Variants in NEK10 observed in about 807,000 individuals in gnomAD.
NEK10 encodes the protein serine/threonine-protein kinase Nek10.
Under a neutral mutation model 159.8 loss-of-function variants are expected in NEK10, and 122 were observed. The ratio of observed to expected loss-of-function variants is 0.76; its 90% CI spans 0.66 to 0.89. The LOEUF (loss-of-function observed/expected upper bound fraction) is 0.89, where lower values mean the gene tolerates loss of function less well. Among genes scored for constraint, NEK10 ranks in the 40% least tolerant of loss-of-function variants. The probability of loss-of-function intolerance (pLI) is 0.00; values close to 1 mark genes in which losing one functional copy is unlikely to be tolerated. For synonymous variants in NEK10, 466 were observed against 457.1 expected, an observed-to-expected ratio of 1.02 and a Z score of -0.25; for missense variants, 1,342 against 1,323.1, an observed-to-expected ratio of 1.01 and a Z score of -0.22.
chr3:27,252,616 A>G (rs1412773567), intron 23 of NEK10, among the ~76,000 whole-genome samples: 1 of 152,230 alleles, frequency 6.6e-6, no homozygotes, highest in Non-Finnish European at 1.5e-5. Flanking sequence ...AAAATCAACA[A>G]AAAGTTCAAT....
chr3:27,305,492 C>T (rs963758654), intron 11 of NEK10, among the ~76,000 whole-genome samples: 1 of 151,928 alleles, frequency 6.6e-6, no homozygotes, highest in Non-Finnish European at 1.5e-5. Flanking sequence ...TGCCACTGCA[C>T]TCCAGCCTGG....
chr3:27,333,360 ACATGGTAAAGCCCTGTCT>A (rs893233018), intron 5 of NEK10, among the ~76,000 whole-genome samples: 59 of 152,064 alleles, frequency 3.9e-4, no homozygotes, highest in African/African-American at 1.3e-3. Context: ...AGCCTGGCCA[ACATGGTAAAGCCCTGTCT>A]CTACTAAAAA....
chr3:27,259,786 T>C (rs2040234427), intron 22 of NEK10, among the ~76,000 whole-genome samples: 1 of 152,194 alleles, frequency 6.6e-6, no homozygotes, highest in Non-Finnish European at 1.5e-5. Context: ...GGGGATGGCA[T>C]TGAACCTATA....
At chr3:27,359,788 A>T (rs191540341) in intron 1 of NEK10, among the ~76,000 whole-genome samples, 40 of 152,336 alleles carry the variant, frequency 2.6e-4, no homozygotes, top group South Asian at 2.1e-4. Context: ...TACGTCTAAA[A>T]TTATTTCAAA....
At chr3:27,350,825 G>C (rs1276234538) in intron 3 of NEK10, among the ~76,000 whole-genome samples, 1 of 152,142 alleles carries the variant, frequency 6.6e-6, no homozygotes, top group Non-Finnish European at 1.5e-5. Flanking sequence ...GAAAATTAGA[G>C]CCAGAAAAAC....
intron 1 of NEK10, chr3:27,367,597 C>A (rs1331756926): frequency 1.3e-5 from 2 of 152,228 alleles, no homozygotes; most frequent in Non-Finnish European, 2.9e-5. Context: ...CAAACAGTAA[C>A]TTCTCATTTT....
chr3:27,222,046 C>A (rs73038733), intron 23 of NEK10, among the ~76,000 whole-genome samples: 1 of 152,036 alleles, frequency 6.6e-6, no homozygotes, highest in African/African-American at 2.4e-5. Context: ...TGAAGAGGAG[C>A]CTTCAATTGA....
At chr3:27,237,274 G>A (rs1052671631) in intron 23 of NEK10, among the ~76,000 whole-genome samples, 1 of 152,092 alleles carries the variant, frequency 6.6e-6, no homozygotes, top group Non-Finnish European at 1.5e-5. Flanking sequence ...TTTACAATCA[G>A]TTTGTACAAT....
At chr3:27,143,055 T>C (rs1441592076) in intron 30 of NEK10, among the ~76,000 whole-genome samples, 1 of 152,206 alleles carries the variant, frequency 6.6e-6, no homozygotes, top group African/African-American at 2.4e-5. Context: ...AAAGAGTTAA[T>C]GTAGCTCTAA....
At chr3:27,236,689 C>A (rs912506753) in intron 23 of NEK10, among the ~76,000 whole-genome samples, 1 of 152,144 alleles carries the variant, frequency 6.6e-6, no homozygotes, top group South Asian at 2.1e-4. Flanking sequence ...GGTGTATGAA[C>A]AGGGAATAGG....
intron 29 of NEK10, among the ~76,000 whole-genome samples, chr3:27,168,472 T>A (rs73036941): frequency 0.12 from 18,490 of 152,198 alleles, 1,339 homozygotes; most frequent in Non-Finnish European, 0.17. Flanking sequence ...TATTTAACGT[T>A]CTTTAAAGAA....
intron 23 of NEK10, among the ~76,000 whole-genome samples, chr3:27,234,737 C>T (rs140587318): frequency 8.5e-5 from 13 of 152,066 alleles, no homozygotes; most frequent in African/African-American, 2.9e-4. Context: ...TATAATTTGA[C>T]GTCCTTCACA....
rs960868948 is a variant in NEK10 at position 27,165,247 on chromosome 3, G to A, written c.2832-2509C>T. ...TTCTCTGGAAATTATATCACTAACCGCAAGAAAATATAGTCATCTGAAATT... is the reference window on the plus strand; with the variant it reads ...TTCTCTGGAAATTATATCACTAACCACAAGAAAATATAGTCATCTGAAATT... On this transcript the variant is annotated intron_variant, in intron 29 of 35. Transcript: ENST00000691995. 3.3e-5 allele frequency among the ~76,000 whole-genome samples: 5 copies of A among 152,098 alleles called. No homozygotes were observed. In the South Asian group the frequency reaches 6.2e-4, roughly 19 times the overall value.
intron 1 of NEK10, among the ~76,000 whole-genome samples, chr3:27,365,604 T>G (rs1328349011): frequency 6.8e-5 from 6 of 88,544 alleles, no homozygotes; most frequent in African/African-American, 2.5e-4. Flanking sequence ...TGTGTTTTTT[T>G]TTTGTGTTTT....
intron 13 of NEK10, among the ~76,000 whole-genome samples, chr3:27,298,326 T>G (rs2043528147): frequency 6.6e-6 from 1 of 151,746 alleles, no homozygotes. Flanking sequence ...AAAATGGGAG[T>G]TTCCTTGCAC....
intron 1 of NEK10, among the ~76,000 whole-genome samples, chr3:27,366,847 T>C (rs1209738778): frequency 1.4e-5 from 2 of 147,878 alleles, no homozygotes; most frequent in African/African-American, 5.1e-5. Flanking sequence ...GTTTCACTCT[T>C]GTTGCCCAGG....
At position 27,307,937 on chromosome 3, in the gene NEK10, C is replaced by A; in HGVS notation, c.725G>T (p.Cys242Phe). Residue 242 changes from cysteine (C) to phenylalanine (F), a missense_variant, in exon 11 of 36, where the codon TGT (cysteine) becomes TTT (phenylalanine). By Grantham distance (205) the Cys-to-Phe change is radical (BLOSUM62 -2). Transcript: ENST00000691995. The part of the protein sequence containing the change: ...ALASLAESQE[C>F]REKISELNIV... ...GTTGAGTTCACTTATCTTCTCCCTA[C>A]ATTCTTGACTATAAATTGAAAAATA... 6.8e-7 allele frequency: 1 copy of A among 1,471,062 alleles called. No homozygotes were observed. Among genetic ancestry groups the A allele is most frequent in the Non-Finnish European group, 9.5e-7 (1 of 1,051,246 alleles). 91.1% of individuals were successfully genotyped at this position (1,471,062 alleles called of 1,614,324 possible). A position where few individuals can be genotyped will look rare whatever the true frequency, so the allele number is the denominator to read the frequency against.
At chr3:27,239,502 T>C (rs1020409599) in intron 23 of NEK10, among the ~76,000 whole-genome samples, 3 of 152,152 alleles carry the variant, frequency 2.0e-5, no homozygotes, top group Admixed American at 2.0e-4. Flanking sequence ...ATTTGCTTCA[T>C]CAGTCCTGAA....
chr3:27,180,183 G>A (rs1947929034), intron 26 of NEK10, among the ~76,000 whole-genome samples: 2 of 152,032 alleles, frequency 1.3e-5, no homozygotes, highest in African/African-American at 4.8e-5. Context: ...ATCATTTGAG[G>A]TCAGGAGTTT....
Sources: gnomAD v4.1 joint callset for allele counts (sites outside exome capture counted in the v4.1 genomes callset) on GRCh38, gnomAD v4.1.1 for gene constraint, MANE v1.5 for transcripts, NCBI Gene and HGNC (gene_info 2026-07-23, HGNC 2026-07-21) for gene names.